Variants in ATRX observed in about 807,000 individuals in gnomAD.
ATRX encodes ATRX chromatin remodeler.
In ATRX, 12 loss-of-function variants were observed where a neutral mutation model predicts 172.6. That is an observed-to-expected ratio of 0.07 (90% CI 0.04 to 0.11). The LOEUF (loss-of-function observed/expected upper bound fraction) is 0.11. Ranked by LOEUF, ATRX falls within the 10% of genes least tolerant of loss-of-function variation. The pLI is 1.00. For synonymous variants in ATRX, 674 were observed against 594.7 expected, an observed-to-expected ratio of 1.13 and a Z score of -1.94; for missense variants, 1,368 against 1,767.4, an observed-to-expected ratio of 0.77 and a Z score of 4.05.
At chrX:77,640,313 C>T (rs1354104998) in intron 15 of ATRX, among the ~76,000 whole-genome samples, 2 of 110,388 alleles carry the variant, frequency 1.8e-5, no homozygotes, top group Non-Finnish European at 3.8e-5. Flanking sequence ...ACCCCCCCAC[C>T]CCGTATCTAA....
intron 32 of ATRX, 21 bp from the exon 33 acceptor site, chrX:77,521,519 A>C: frequency 9.0e-7 from 1 of 1,109,285 alleles, no homozygotes; most frequent in East Asian, 3.0e-5. Flanking sequence ...GCAAGAAATA[A>C]GTTATATAAG....
chrX:77,623,565 C>T (rs868949567), intron 19 of ATRX, among the ~76,000 whole-genome samples: 1 of 111,654 alleles, frequency 9.0e-6, no homozygotes, highest in African/African-American at 3.3e-5. Context: ...CTATTCATCA[C>T]CGTAATAGCA....
chrX:77,682,798 C>T lies in ATRX; in HGVS notation c.2458G>A (p.Glu820Lys), dbSNP rs2148597240. 8.3e-7 allele frequency: 1 copy of T among 1,209,842 alleles called. No homozygotes were observed. The highest frequency in any genetic ancestry group is 1.1e-6 in the Non-Finnish European group (1 of 894,664). The change falls in exon 9 of 35, where the codon GAA becomes AAA. Residue 820 changes from glutamate to lysine, a missense_variant. By Grantham distance (56) the Glu-to-Lys change is moderately conservative. This residue lies in a region of ATRX where 843 missense variants were observed against 643.1 expected (regional missense o/e 1.31). Coordinates refer to ENST00000373344, the MANE Select transcript of ATRX (RefSeq NM_000489.6). ...ATGCTCTTTATCTCTTTTTCTAATT[C>T]TGAGTCATAATTAGAAGACTCAGAC... Reference protein sequence around the residue: ...TQSESSNYDSELEKEIKSMSK... With the variant: ...TQSESSNYDSKLEKEIKSMSK...
chrX:77,739,971 T>C (rs1240475319), intron 1 of ATRX, among the ~76,000 whole-genome samples: 1 of 99,354 alleles, frequency 1.0e-5, no homozygotes, highest in Non-Finnish European at 2.0e-5. Flanking sequence ...GAGAATTGCT[T>C]GAACCTGGGA....
chrX:77,772,897 G>T (rs6621891), intron 1 of ATRX, among the ~76,000 whole-genome samples: 2 of 103,831 alleles, frequency 1.9e-5, no homozygotes, highest in East Asian at 6.0e-4. Flanking sequence ...TCCCAGGCTA[G>T]AGTACAGTGG....
intron 19 of ATRX, among the ~76,000 whole-genome samples, chrX:77,628,462 T>G (rs2067969292): frequency 8.9e-6 from 1 of 112,585 alleles, no homozygotes; most frequent in African/African-American, 3.2e-5. Flanking sequence ...CAAATTATTT[T>G]TCAGTGTTAC....
At chrX:77,702,386 T>C (rs2072579404) in intron 2 of ATRX, among the ~76,000 whole-genome samples, 1 of 111,876 alleles carries the variant, frequency 8.9e-6, no homozygotes, top group Non-Finnish European at 1.9e-5. Context: ...GAGGTTGCAG[T>C]GAGCCAAGAT....
At chrX:77,755,955 A>T (rs186313341) in intron 1 of ATRX, among the ~76,000 whole-genome samples, 64 of 112,400 alleles carry the variant, frequency 5.7e-4, no homozygotes, top group African/African-American at 2.0e-3. Flanking sequence ...CCACAGCTGC[A>T]CCTTCCCACA....
chrX:77,642,061 AGG>A (rs1356283780), intron 15 of ATRX, among the ~76,000 whole-genome samples: 1 of 110,927 alleles, frequency 9.0e-6, no homozygotes, highest in Non-Finnish European at 1.9e-5. Context: ...AATTAGCAAT[AGG>A]GCATGCCTCT....
intron 9 of ATRX, among the ~76,000 whole-genome samples, chrX:77,680,693 A>G (rs2071137773): frequency 8.9e-6 from 1 of 111,752 alleles, no homozygotes; most frequent in African/African-American, 3.2e-5. Context: ...CCCACTTTAT[A>G]AACATTTTTA....
chrX:77,703,292 T>A (rs1458086202), intron 2 of ATRX, among the ~76,000 whole-genome samples: 1 of 113,005 alleles, frequency 8.8e-6, no homozygotes, highest in Non-Finnish European at 1.9e-5. Context: ...GCTACTGGCC[T>A]GTGTCCTATG....
intron 8 of ATRX, 105 bp from the exon 9 acceptor site, chrX:77,684,698 T>C: frequency 1.0e-6 from 1 of 966,227 alleles, no homozygotes; most frequent in Non-Finnish European, 1.4e-6. Context: ...CTCATTTTAA[T>C]CTCTTTGTTA....
chrX:77,561,515 G>A (rs1172175960), intron 28 of ATRX: 2 of 110,627 alleles, frequency 1.8e-5, no homozygotes, highest in Admixed American at 9.6e-5. Context: ...CATATTATAC[G>A]TGTCTTTTGA....
At chrX:77,704,901 T>C (rs2072732402) in intron 2 of ATRX, among the ~76,000 whole-genome samples, 1 of 111,557 alleles carries the variant, frequency 9.0e-6, no homozygotes, top group South Asian at 3.8e-4. Flanking sequence ...CCCCCCATGA[T>C]TTGGGTGGCT....
intron 33 of ATRX, 78 bp from the exon 34 acceptor site, chrX:77,520,994 G>C: frequency 9.6e-7 from 1 of 1,045,571 alleles, no homozygotes. Context: ...AAGATATTCG[G>C]GATTTCCCAA....
intron 22 of ATRX, among the ~76,000 whole-genome samples, chrX:77,602,471 T>C (rs906006409): frequency 1.9e-4 from 21 of 109,460 alleles, no homozygotes; most frequent in African/African-American, 7.0e-4. Context: ...CTGCTTGTTT[T>C]GGGTTTAATT....
chrX:77,693,169 G>A (rs1404652994), intron 6 of ATRX, among the ~76,000 whole-genome samples: 1 of 111,156 alleles, frequency 9.0e-6, no homozygotes, highest in East Asian at 2.8e-4. Context: ...TTACAGGTGT[G>A]AGCCACCACT....
chrX:77,608,232 A>T (rs2067000665), intron 22 of ATRX, among the ~76,000 whole-genome samples: 1 of 109,018 alleles, frequency 9.2e-6, no homozygotes, highest in Admixed American at 9.9e-5. Context: ...AGTCCAGCAC[A>T]GTGGTGGGTG....
chrX:77,652,021 G>T lies in ATRX; in HGVS notation c.4557+93C>A, dbSNP rs1432922813. On this transcript the variant is annotated intron_variant, in intron 15 of 34. Coordinates refer to ENST00000373344, the MANE Select transcript of ATRX (RefSeq NM_000489.6). The stretch of plus-strand genomic sequence containing the variant: ...GAAGTTTAGGAGGCCAAGGTAGGAG[G>T]ATCACTTGAGCCCAAGAGTTCGAGG... 9 of 971,945 alleles carry T rather than the reference G, an allele frequency of 9.3e-6. No individual in the cohort carries two copies. The African/African-American group carries it at 1.1e-4, about 12-fold the overall frequency. The allele number at this position is 971,945 out of a possible 1,213,427, so 80.1% of individuals were successfully genotyped here.
Sources: gnomAD v4.1 joint callset for allele counts (sites outside exome capture counted in the v4.1 genomes callset) on GRCh38, gnomAD v4.1.1 for gene constraint, gnomAD v4.1.1 regional missense constraint, MANE v1.5 for transcripts, NCBI Gene and HGNC (gene_info 2026-07-23, HGNC 2026-07-21) for gene names.